The following GPR158 variants were observed in gnomAD, a reference collection of about 807,000 sequenced individuals.
GPR158 encodes the protein G protein-coupled receptor 158.
Under a neutral mutation model 78.2 loss-of-function variants are expected in GPR158, and 30 were observed. The observed-to-expected ratio is 0.38, with a 90% CI of 0.29 to 0.52. The LOEUF is 0.52. Ranked by LOEUF, GPR158 falls within the 20% of genes least tolerant of loss-of-function variation. The pLI is 0.83. For missense variants in GPR158, 1,463 were observed against 1,523.5 expected (o/e 0.96, Z 0.66); for synonymous variants, 581 against 591.1 (o/e 0.98, Z 0.25).
chr10:25,352,239 A>G (rs1460079761), intron 2 of GPR158, among the ~76,000 whole-genome samples: 5 of 152,076 alleles, frequency 3.3e-5, no homozygotes, highest in Non-Finnish European at 7.4e-5. Context: ...CCGTAGTGAT[A>G]AAGGTAAGCC....
intron 4 of GPR158, among the ~76,000 whole-genome samples, chr10:25,434,063 G>A (rs1834962294): frequency 6.6e-6 from 1 of 152,082 alleles, no homozygotes; most frequent in South Asian, 2.1e-4. Flanking sequence ...GGAGACTGAG[G>A]CAGGAGAATG....
intron 1 of GPR158, among the ~76,000 whole-genome samples, chr10:25,215,768 G>T (rs1853203357): frequency 6.6e-6 from 1 of 152,224 alleles, no homozygotes; most frequent in African/African-American, 2.4e-5. Context: ...TGGGGAGGTG[G>T]AGGTTGCAGT....
At chr10:25,364,024 TAA>T (rs764075750) in intron 2 of GPR158, among the ~76,000 whole-genome samples, 48 of 152,064 alleles carry the variant, frequency 3.2e-4, no homozygotes, top group Admixed American at 1.3e-3. Flanking sequence ...GTAAAGTGCT[TAA>T]AATAATGCCT....
At chr10:25,436,629 G>A (rs971958082) in intron 4 of GPR158, among the ~76,000 whole-genome samples, 1 of 152,144 alleles carries the variant, frequency 6.6e-6, no homozygotes, top group African/African-American at 2.4e-5. Flanking sequence ...CAACTATCAG[G>A]GATACTACTG....
chr10:25,433,485 T>C (rs1409202566), intron 4 of GPR158, among the ~76,000 whole-genome samples: 4 of 151,680 alleles, frequency 2.6e-5, no homozygotes, highest in Admixed American at 2.0e-4. Flanking sequence ...AGCAGTATCA[T>C]TTAATGCCTG....
intron 2 of GPR158, among the ~76,000 whole-genome samples, chr10:25,271,389 A>C (rs950839248): frequency 6.6e-6 from 1 of 152,106 alleles, no homozygotes; most frequent in African/African-American, 2.4e-5. Flanking sequence ...TTTATCTTTA[A>C]TTTTTAGCAT....
intron 2 of GPR158, among the ~76,000 whole-genome samples, chr10:25,248,981 T>G (rs1853747162): frequency 6.7e-6 from 1 of 150,126 alleles, no homozygotes; most frequent in Non-Finnish European, 1.5e-5. Context: ...TGTATCCTCT[T>G]TTATTTCCAT....
chr10:25,428,486 T>C (rs577229649), intron 4 of GPR158, among the ~76,000 whole-genome samples: 254 of 152,158 alleles, frequency 1.7e-3, no homozygotes, highest in African/African-American at 6.0e-3. Context: ...AGAGAACTCT[T>C]CTAAGGGGTC....
At position 25,598,951 on chromosome 10, in the gene GPR158, G is replaced by T; in HGVS notation, c.3325G>T (p.Ala1109Ser). 1 of 1,613,952 alleles carries T rather than the reference G, an allele frequency of 6.2e-7. No homozygotes were observed. The highest frequency in any genetic ancestry group is 8.5e-7 in the Non-Finnish European group (1 of 1,179,976). ...AKEENGGQPR[A>S]ANVCAGQSEE... is the part of the protein sequence containing the mutation. ...AGAGGAGAACGGAGGTCAGCCTCGT[G>T]CAGCCAATGTGTGTGCTGGGCAGAG... The change falls in exon 11 of 11, where the codon GCA (alanine) becomes TCA (serine). Residue 1109 changes from alanine (A) to serine (S), a missense_variant. By Grantham distance (99) the Ala-to-Ser change is moderately conservative. Transcript: ENST00000376351.
At chr10:25,207,170 C>G (rs975205106) in intron 1 of GPR158, among the ~76,000 whole-genome samples, 13 of 151,986 alleles carry the variant, frequency 8.6e-5, no homozygotes, top group African/African-American at 3.1e-4. Flanking sequence ...AAAACACAAC[C>G]CTAGAAATGG....
intron 2 of GPR158, among the ~76,000 whole-genome samples, chr10:25,332,117 G>C (rs879659549): frequency 1.4e-4 from 22 of 151,904 alleles, no homozygotes; most frequent in South Asian, 4.1e-4. Context: ...AATCACCTGG[G>C]GGGGGGCGAA....
chr10:25,486,536 G>T (rs76290524), intron 5 of GPR158, among the ~76,000 whole-genome samples: 1 of 152,144 alleles, frequency 6.6e-6, no homozygotes, highest in African/African-American at 2.4e-5. Context: ...GAATACGTTA[G>T]TCGATGAAGT....
At chr10:25,578,349 G>C (rs544227864) in intron 7 of GPR158, among the ~76,000 whole-genome samples, 1 of 152,342 alleles carries the variant, frequency 6.6e-6, no homozygotes, top group South Asian at 2.1e-4. Context: ...GCAGTCAGCT[G>C]TCTTTATCTT....
chr10:25,364,848 ATTAGAT>A (rs1855695045), intron 2 of GPR158, among the ~76,000 whole-genome samples: 1 of 151,820 alleles, frequency 6.6e-6, no homozygotes, highest in South Asian at 2.1e-4. Context: ...GGTGGTTAGA[ATTAGAT>A]TTAGAGTAGC....
intron 5 of GPR158, among the ~76,000 whole-genome samples, chr10:25,472,931 T>G (rs1395914006): frequency 6.6e-6 from 1 of 152,144 alleles, no homozygotes; most frequent in Non-Finnish European, 1.5e-5. Flanking sequence ...CTTTTCCTAA[T>G]TGAATACCCT....
chr10:25,578,465 T>C (rs1335137172), intron 7 of GPR158, among the ~76,000 whole-genome samples: 4 of 152,196 alleles, frequency 2.6e-5, no homozygotes, highest in African/African-American at 9.7e-5. Context: ...ATGGTAAATG[T>C]ACAAGTTCAA....
chr10:25,249,112 T>A (rs1853750181), intron 2 of GPR158, among the ~76,000 whole-genome samples: 1 of 152,060 alleles, frequency 6.6e-6, no homozygotes, highest in Non-Finnish European at 1.5e-5. Context: ...TTTGGCTCTC[T>A]GTCTGTTGTT....
chr10:25,563,528 T>C (rs533388502), intron 6 of GPR158, among the ~76,000 whole-genome samples: 2 of 152,332 alleles, frequency 1.3e-5, no homozygotes, highest in East Asian at 3.9e-4. Context: ...TACTGCCTGC[T>C]TGGTAAATCG....
At chr10:25,361,083 C>A (rs1223998478) in intron 2 of GPR158, among the ~76,000 whole-genome samples, 1 of 151,948 alleles carries the variant, frequency 6.6e-6, no homozygotes, top group East Asian at 2.0e-4. Context: ...CAACAACTCT[C>A]TTTTTCCCCT....
Sources: allele counts gnomAD v4.1 joint callset (sites outside exome capture counted in the v4.1 genomes callset), GRCh38; gene constraint gnomAD v4.1.1; transcripts MANE v1.5; gene names NCBI Gene and HGNC (gene_info 2026-07-23, HGNC 2026-07-21).